Variants in KIAA1328 observed in about 807,000 individuals in gnomAD.
KIAA1328 encodes the protein KIAA1328.
Under a neutral mutation model 68.1 loss-of-function variants are expected in KIAA1328, and 52 were observed. The observed-to-expected ratio is 0.76, with a 90% CI of 0.61 to 0.96. KIAA1328 has a LOEUF of 0.96. Among genes scored for constraint, KIAA1328 ranks in the 40% least tolerant of loss-of-function variants. The probability of loss-of-function intolerance (pLI) is 0.00; values close to 1 mark genes in which losing one functional copy is unlikely to be tolerated. For missense variants in KIAA1328, 641 were observed against 677.6 expected (o/e 0.95, Z 0.60); for synonymous variants, 232 against 239.4 (o/e 0.97, Z 0.28).
chr18:36,863,495 T>C (rs1351999898), intron 4 of KIAA1328, among the ~76,000 whole-genome samples: 1 of 152,180 alleles, frequency 6.6e-6, no homozygotes, highest in Admixed American at 6.5e-5. Flanking sequence ...ATTTTAGCTC[T>C]TCTAGTCCTG....
intron 6 of KIAA1328, among the ~76,000 whole-genome samples, chr18:37,061,461 C>G (rs2056143993): frequency 6.6e-6 from 1 of 152,118 alleles, no homozygotes; most frequent in African/African-American, 2.4e-5. Context: ...CACTGAAGAT[C>G]TTTGCGTTTT....
chr18:36,879,368 G>T (rs2048252623), intron 4 of KIAA1328, among the ~76,000 whole-genome samples: 1 of 152,192 alleles, frequency 6.6e-6, no homozygotes, highest in African/African-American at 2.4e-5. Flanking sequence ...GAACAGCAAA[G>T]ATTGCTACCT....
intron 7 of KIAA1328, among the ~76,000 whole-genome samples, chr18:37,140,444 G>A (rs948779301): frequency 3.9e-5 from 6 of 152,028 alleles, no homozygotes; most frequent in Non-Finnish European, 7.4e-5. Flanking sequence ...TGCCATTAAA[G>A]CTCAGACAGA....
chr18:36,937,451 A>C (rs900994658), intron 5 of KIAA1328, among the ~76,000 whole-genome samples: 1 of 152,234 alleles, frequency 6.6e-6, no homozygotes, highest in Non-Finnish European at 1.5e-5. Context: ...AATTTTTGCA[A>C]TCTACCCATC....
chr18:36,907,348 G>A, intron 5 of KIAA1328, among the ~76,000 whole-genome samples: 1 of 151,998 alleles, frequency 6.6e-6, no homozygotes, highest in Admixed American at 6.6e-5. Flanking sequence ...GTGGTAAAGG[G>A]CATCCTCTTC....
chr18:37,005,252 G>A (rs1350067914), intron 6 of KIAA1328, among the ~76,000 whole-genome samples: 1 of 151,882 alleles, frequency 6.6e-6, no homozygotes, highest in East Asian at 1.9e-4. Context: ...AAATTTTGAA[G>A]ATGATATGAA....
intron 6 of KIAA1328, among the ~76,000 whole-genome samples, chr18:37,005,627 A>T (rs1029417641): frequency 6.6e-6 from 1 of 152,128 alleles, no homozygotes; most frequent in Non-Finnish European, 1.5e-5. Context: ...AAAGAAATCA[A>T]TATATCAAAG....
At chr18:37,164,704 C>G (rs2059350584) in intron 8 of KIAA1328, among the ~76,000 whole-genome samples, 1 of 152,092 alleles carries the variant, frequency 6.6e-6, no homozygotes, top group Admixed American at 6.6e-5. Context: ...CGAGATCACT[C>G]CACTGCACTC....
At chr18:36,930,883 CTGAATA>C (rs1458722480) in intron 5 of KIAA1328, among the ~76,000 whole-genome samples, 2 of 152,096 alleles carry the variant, frequency 1.3e-5, no homozygotes, top group African/African-American at 4.8e-5. Context: ...CAACATGAAT[CTGAATA>C]TTATGGGCAT....
intron 5 of KIAA1328, among the ~76,000 whole-genome samples, chr18:36,954,890 T>G (rs2051341596): frequency 6.6e-6 from 1 of 151,816 alleles, no homozygotes; most frequent in Non-Finnish European, 1.5e-5. Flanking sequence ...GAGATGGCAT[T>G]TCACCATGCC....
chr18:37,185,904 G>A (rs1029090384), intron 9 of KIAA1328, among the ~76,000 whole-genome samples: 15 of 151,324 alleles, frequency 9.9e-5, no homozygotes, highest in South Asian at 4.2e-4. Flanking sequence ...GTCTGTAACC[G>A]TTTATGAGTT....
intron 4 of KIAA1328, among the ~76,000 whole-genome samples, chr18:36,844,656 T>A (rs1441562555): frequency 6.6e-6 from 1 of 151,930 alleles, no homozygotes; most frequent in Non-Finnish European, 1.5e-5. Context: ...TCCTTCAGCA[T>A]CTGAAGAAAA....
intron 7 of KIAA1328, among the ~76,000 whole-genome samples, chr18:37,133,976 G>A (rs369456989): frequency 6.6e-6 from 1 of 151,454 alleles, no homozygotes; most frequent in Non-Finnish European, 1.5e-5. Flanking sequence ...ATGCTATAGA[G>A]CAGCAATTCT....
chr18:37,054,960 G>T (rs1722508586), intron 6 of KIAA1328, among the ~76,000 whole-genome samples: 1 of 152,092 alleles, frequency 6.6e-6, no homozygotes, highest in East Asian at 1.9e-4. Context: ...ACACTTTATT[G>T]TGTGCCTTCT....
intron 7 of KIAA1328, among the ~76,000 whole-genome samples, chr18:37,074,560 T>C (rs1160595189): frequency 6.6e-6 from 1 of 152,206 alleles, no homozygotes; most frequent in Non-Finnish European, 1.5e-5. Flanking sequence ...CCATCACTGA[T>C]ACCCTTTCTT....
chr18:37,007,827 A>C (rs1458577011), intron 6 of KIAA1328, among the ~76,000 whole-genome samples: 18 of 152,238 alleles, frequency 1.2e-4, no homozygotes, highest in Non-Finnish European at 1.5e-5. Context: ...AAGTCTGGAC[A>C]AAATATAAAA....
chr18:37,059,980 G>A (rs535199270), intron 6 of KIAA1328, among the ~76,000 whole-genome samples: 13 of 151,848 alleles, frequency 8.6e-5, no homozygotes, highest in African/African-American at 2.9e-4. Context: ...ATAACTGGGA[G>A]GGGAACATCA....
intron 6 of KIAA1328, among the ~76,000 whole-genome samples, chr18:36,981,737 A>G (rs917063503): frequency 6.7e-6 from 1 of 149,876 alleles, no homozygotes; most frequent in African/African-American, 2.4e-5. Flanking sequence ...CTGGTGCACA[A>G]CACGACACCT....
intron 4 of KIAA1328, among the ~76,000 whole-genome samples, chr18:36,847,114 T>C (rs1325431671): frequency 6.6e-6 from 1 of 151,592 alleles, no homozygotes; most frequent in Non-Finnish European, 1.5e-5. Context: ...TCATTTTTTA[T>C]TGTTGAATAG....
Sources: allele counts gnomAD v4.1 joint callset (sites outside exome capture counted in the v4.1 genomes callset), GRCh38; gene constraint gnomAD v4.1.1; transcripts MANE v1.5; gene names NCBI Gene and HGNC (gene_info 2026-07-23, HGNC 2026-07-21).